Variants in ENPP2 observed in about 807,000 individuals in gnomAD.
The protein encoded by ENPP2 is autotaxin.
ENPP2 carries 51 observed loss-of-function variants against 120.2 expected under a neutral mutation model. The observed-to-expected ratio is 0.42, with a 90% confidence interval of 0.34 to 0.54. The LOEUF is 0.54. Among genes scored for constraint, ENPP2 ranks in the 20% least tolerant of loss-of-function variants. ENPP2 has a pLI of 0.04. For synonymous variants in ENPP2, 365 were observed against 366.4 expected, an observed-to-expected ratio of 1.00 and a Z score of 0.04; for missense variants, 920 against 1,066.5, an observed-to-expected ratio of 0.86 and a Z score of 1.91.
chr8:119,587,886 G>C (rs1375889563), intron 13 of ENPP2, among the ~76,000 whole-genome samples: 1 of 152,190 alleles, frequency 6.6e-6, no homozygotes. Flanking sequence ...GTTCAGAAGA[G>C]ATAGCAACTA....
intron 1 of ENPP2, among the ~76,000 whole-genome samples, chr8:119,668,358 T>C (rs575887921): frequency 7.0e-4 from 107 of 152,106 alleles, no homozygotes; most frequent in Non-Finnish European, 1.1e-3. Flanking sequence ...GTCTGAACAA[T>C]ACAGAGTACG....
At chr8:119,558,074 T>A (rs1055539780) in intron 24 of ENPP2, among the ~76,000 whole-genome samples, 14 of 152,218 alleles carry the variant, frequency 9.2e-5, no homozygotes, top group African/African-American at 3.1e-4. Context: ...ACAAGTAACT[T>A]GGAATATGCT....
At chr8:119,586,105 A>G (rs1813089783) in intron 15 of ENPP2, 81 bp downstream of exon 15, 1 of 1,440,892 alleles carries the variant, frequency 6.9e-7, no homozygotes, top group South Asian at 1.3e-5. Context: ...TTCAGTGATG[A>G]CTAAGGATGA....
intron 15 of ENPP2, among the ~76,000 whole-genome samples, chr8:119,585,927 G>C (rs918101162): frequency 7.5e-5 from 11 of 146,224 alleles, no homozygotes; most frequent in Admixed American, 3.4e-4. Flanking sequence ...GGATGAAAGA[G>C]ACACACACAC....
chr8:119,603,488 G>A (rs1339211094), intron 9 of ENPP2, among the ~76,000 whole-genome samples: 1 of 152,268 alleles, frequency 6.6e-6, no homozygotes, highest in South Asian at 2.1e-4. Context: ...CAGAGTGCTT[G>A]GGTTTGTATC....
At chr8:119,587,759 C>T (rs1462689868) in intron 13 of ENPP2, among the ~76,000 whole-genome samples, 1 of 152,082 alleles carries the variant, frequency 6.6e-6, no homozygotes, top group Non-Finnish European at 1.5e-5. Context: ...TCTGAAGCTC[C>T]CCTTTTGGGC....
At chr8:119,565,537 A>G (rs1351531537) in intron 22 of ENPP2, among the ~76,000 whole-genome samples, 1 of 152,224 alleles carries the variant, frequency 6.6e-6, no homozygotes. Flanking sequence ...TCTCCATCAT[A>G]ATCAATGGCT....
intron 15 of ENPP2, among the ~76,000 whole-genome samples, chr8:119,584,774 T>A (rs1185858189): frequency 6.6e-6 from 1 of 152,176 alleles, no homozygotes; most frequent in Non-Finnish European, 1.5e-5. Context: ...TTTGCAAAAG[T>A]GTCATGTGAC....
Position 119,623,358 on chromosome 8 carries a change from A to G in ENPP2, c.293-1839T>C, listed in dbSNP as rs183811606. 6.6e-3 allele frequency among the ~76,000 whole-genome samples: 1,003 copies of G among 151,990 alleles called. 11 individuals are homozygous for G. Among genetic ancestry groups the G allele is most frequent in the African/African-American group, 0.023 (948 of 41,490 alleles). On this transcript the variant is annotated intron_variant, in intron 3 of 24. Coordinates refer to ENST00000075322, the MANE Select transcript of ENPP2 (RefSeq NM_001040092.3). ...TGCATGCCTGTAATCCCAGCTACTC[A>G]GGAGGCTGAGGCAGGAGAATCGCTT...
chr8:119,590,755 G>A, intron 12 of ENPP2, 125 bp from the exon 13 acceptor site: 1 of 576,726 alleles, frequency 1.7e-6, no homozygotes, highest in Non-Finnish European at 2.8e-6. Flanking sequence ...GAAGAGCCCT[G>A]ACTTTTGAGA....
intron 12 of ENPP2, among the ~76,000 whole-genome samples, chr8:119,593,497 A>T (rs544049926): frequency 1.3e-5 from 2 of 152,354 alleles, no homozygotes; most frequent in South Asian, 4.1e-4. Flanking sequence ...AGAGAGACAG[A>T]TTTTTGTAGA....
At chr8:119,623,347 C>T (rs1324962232) in intron 3 of ENPP2, among the ~76,000 whole-genome samples, 1 of 151,978 alleles carries the variant, frequency 6.6e-6, no homozygotes, top group Non-Finnish European at 1.5e-5. Flanking sequence ...TGCCTGTAAT[C>T]CCAGCTACTC....
At chr8:119,591,234 G>A (rs1813486202) in intron 12 of ENPP2, among the ~76,000 whole-genome samples, 1 of 152,076 alleles carries the variant, frequency 6.6e-6, no homozygotes, top group Admixed American at 6.6e-5. Context: ...CAGTTCCAAT[G>A]ACCACCCAAA....
intron 1 of ENPP2, among the ~76,000 whole-genome samples, chr8:119,647,678 G>C (rs963831138): frequency 1.3e-5 from 2 of 152,064 alleles, no homozygotes; most frequent in African/African-American, 4.8e-5. Context: ...TAGAGAGCAG[G>C]GGAAAAAAGC....
Position 119,626,594 on chromosome 8 carries a change from T to C in ENPP2, c.263A>G (p.His88Arg). ...CTTCAAACACAGCTCATCAAAGTCA[T>C]GGCAGCAACTGGTATAGCTCTTACA... The part of the protein sequence containing the change: ...NLCKSYTSCC[H>R]DFDELCLKTA... The change falls in exon 3 of 25, where the codon CAT becomes CGT. Residue 88 changes from histidine (H) to arginine (R), a missense_variant. Transcript: ENST00000075322. 2 of 1,614,080 alleles carry C rather than the reference T, an allele frequency of 1.2e-6. No individual in the cohort carries two copies. The highest frequency in any genetic ancestry group is 1.7e-6 in the Non-Finnish European group (2 of 1,179,932).
At chr8:119,650,137 G>T (rs978622193) in intron 1 of ENPP2, among the ~76,000 whole-genome samples, 4 of 152,158 alleles carry the variant, frequency 2.6e-5, no homozygotes, top group Non-Finnish European at 5.9e-5. Context: ...TATCCATACG[G>T]TGAAATATTA....
At chr8:119,595,216 G>A (rs1813802053) in intron 11 of ENPP2, among the ~76,000 whole-genome samples, 1 of 152,084 alleles carries the variant, frequency 6.6e-6, no homozygotes, top group Non-Finnish European at 1.5e-5. Flanking sequence ...TACTTCTTAG[G>A]GATCAGTTCA....
intron 1 of ENPP2, among the ~76,000 whole-genome samples, chr8:119,652,572 C>A (rs1435134930): frequency 6.6e-6 from 1 of 152,120 alleles, no homozygotes; most frequent in African/African-American, 2.4e-5. Context: ...TCTTCCTGTC[C>A]CTTTCAGCTG....
chr8:119,654,327 T>C (rs1010667920), intron 1 of ENPP2, among the ~76,000 whole-genome samples: 1 of 142,746 alleles, frequency 7.0e-6, no homozygotes, highest in African/African-American at 2.5e-5. Context: ...TATATAATTA[T>C]ATATAGAGAT....
Sources: gnomAD v4.1 joint callset for allele counts (sites outside exome capture counted in the v4.1 genomes callset) on GRCh38, gnomAD v4.1.1 for gene constraint, MANE v1.5 for transcripts, NCBI Gene and HGNC (gene_info 2026-07-23, HGNC 2026-07-21) for gene names.